GABBR2: variants seen among roughly 807,000 people sequenced by gnomAD.
GABBR2 encodes the protein G-protein coupled receptor 51.
A neutral mutation model predicts 105.6 loss-of-function variants in GABBR2; 23 were observed. The observed-to-expected ratio is 0.22, with a 90% CI of 0.16 to 0.31. The LOEUF (loss-of-function observed/expected upper bound fraction) is 0.31. Among genes scored for constraint, GABBR2 ranks in the 10% least tolerant of loss-of-function variants. The pLI is 1.00. For synonymous variants in GABBR2, 478 were observed against 499.7 expected (o/e 0.96, Z 0.58); for missense variants, 734 against 1,245.5 (o/e 0.59, Z 6.18).
chr9:98,616,597 T>C (rs759077724), intron 1 of GABBR2, among the ~76,000 whole-genome samples: 7 of 152,072 alleles, frequency 4.6e-5, no homozygotes, highest in Middle Eastern at 3.4e-3. Flanking sequence ...CTACTAAAAA[T>C]ACAAAAATTA....
chr9:98,367,238 C>T (rs576110840), intron 12 of GABBR2, among the ~76,000 whole-genome samples: 120 of 130,710 alleles, frequency 9.2e-4, no homozygotes, highest in African/African-American at 3.5e-3. Flanking sequence ...TAAAAAACTG[C>T]ATTGAAAAAA....
chr9:98,588,816 A>G (rs1014796625), intron 1 of GABBR2, among the ~76,000 whole-genome samples: 6 of 152,202 alleles, frequency 3.9e-5, no homozygotes, highest in Non-Finnish European at 2.9e-5. Flanking sequence ...TGCCATGCCC[A>G]GGTTGGCCTG....
rs569295362 is a variant in GABBR2, at chr9:98,500,442, C to T, written c.631-3928G>A. ...GGGAGCCCCAGGAGGGCAGGAGACA[C>T]AGATTGACAGGGAGTGAGGAGTGCT... is the stretch of plus-strand genomic sequence containing the variant. On this transcript the variant is annotated intron_variant, in intron 3 of 18. Coordinates refer to ENST00000259455, the MANE Select transcript of GABBR2 (RefSeq NM_005458.8). Among the ~76,000 whole-genome samples the T allele has an allele frequency of 9.3e-4, 142 of 152,302 alleles. 1 individual carries two copies. The highest frequency in any genetic ancestry group is 3.3e-3 in the African/African-American group (138 of 41,570).
chr9:98,682,873 A>C (rs557695225), intron 1 of GABBR2, among the ~76,000 whole-genome samples: 1 of 120,848 alleles, frequency 8.3e-6, no homozygotes, highest in African/African-American at 3.3e-5. Context: ...CAATTGACAG[A>C]GCTTTTGATT....
At chr9:98,422,078 A>T (rs952336003) in intron 7 of GABBR2, among the ~76,000 whole-genome samples, 1 of 152,202 alleles carries the variant, frequency 6.6e-6, no homozygotes, top group Non-Finnish European at 1.5e-5. Flanking sequence ...ACGTGGTCTT[A>T]ACACCCAGAT....
intron 14 of GABBR2, among the ~76,000 whole-genome samples, chr9:98,308,040 C>T (rs183992748): frequency 6.6e-6 from 1 of 152,292 alleles, no homozygotes; most frequent in African/African-American, 2.4e-5. Flanking sequence ...TTGAGACCAG[C>T]CTGGGCAAGG....
Position 98,289,456 on chromosome 9 carries a change from A to G in GABBR2, c.*1128T>C, listed in dbSNP as rs368702820. On this transcript the variant is annotated 3_prime_UTR_variant, in exon 19 of 19. Transcript: ENST00000259455. Reference sequence around the variant, plus strand: ...AGGAATGATCTTATGAATGAGAATCAATCTGCTGACTGATCACCCCAGTGA... The same window carrying G: ...AGGAATGATCTTATGAATGAGAATCGATCTGCTGACTGATCACCCCAGTGA... 31 of 152,638 alleles carry G rather than the reference A, an allele frequency of 2.0e-4. No homozygotes were observed. Among genetic ancestry groups the G allele is most frequent in the African/African-American group, 7.5e-4 (31 of 41,522 alleles). 9.5% of individuals were successfully genotyped at this position (152,638 alleles called of 1,614,324 possible).
chr9:98,337,175 G>A (rs1210554450), intron 13 of GABBR2, among the ~76,000 whole-genome samples: 1 of 151,922 alleles, frequency 6.6e-6, no homozygotes, highest in African/African-American at 2.4e-5. Flanking sequence ...CATGGTGGTG[G>A]GTGCCTGTAA....
In GABBR2 at chr9:98,388,654, T is replaced by G; in HGVS notation, c.1529+200A>C. 7.0e-6 allele frequency among the ~76,000 whole-genome samples: 1 copy of G among 142,994 alleles called. No homozygotes were observed. The highest frequency in any genetic ancestry group is 1.5e-5 in the Non-Finnish European group (1 of 65,546). The allele number at this position is 142,994 out of a possible 152,430, so 93.8% of individuals were successfully genotyped here. ...GTGTGTGTGTGTGTGTGTGTGTGTG[T>G]GTGTGTGCGTGCACGCACACACACG... On this transcript the variant is annotated intron_variant, in intron 10 of 18. Transcript: ENST00000259455. This position sits in a 1 kb window ranked among gnomAD's most constrained non-coding sequence, Gnocchi z 4.4.
chr9:98,526,264 C>T (rs190663427), intron 3 of GABBR2, among the ~76,000 whole-genome samples: 1 of 152,242 alleles, frequency 6.6e-6, no homozygotes, highest in East Asian at 1.9e-4. Flanking sequence ...AGATCTCTTG[C>T]CCCACCTCCA....
chr9:98,410,328 G>C (rs890233257), intron 7 of GABBR2, among the ~76,000 whole-genome samples: 1 of 151,916 alleles, frequency 6.6e-6, no homozygotes, highest in Non-Finnish European at 1.5e-5. Context: ...CCGGGGTGGG[G>C]GCTGATAACT....
chr9:98,586,334 C>T (rs1340509925), intron 1 of GABBR2, among the ~76,000 whole-genome samples: 2 of 138,846 alleles, frequency 1.4e-5, no homozygotes, highest in Admixed American at 7.8e-5. Context: ...GACTCTCAGT[C>T]TGTCACCTAG....
At chr9:98,305,034 A>C (rs1332157867) in intron 15 of GABBR2, among the ~76,000 whole-genome samples, 1 of 151,914 alleles carries the variant, frequency 6.6e-6, no homozygotes, top group Non-Finnish European at 1.5e-5. Flanking sequence ...TGGTCTCCCA[A>C]AGTGCTGGGA....
At chr9:98,701,388 T>C (rs1415511904) in intron 1 of GABBR2, among the ~76,000 whole-genome samples, 2 of 152,140 alleles carry the variant, frequency 1.3e-5, no homozygotes, top group Non-Finnish European at 2.9e-5. Flanking sequence ...GCCCTCATAT[T>C]GGGGAGCTCG....
intron 7 of GABBR2, among the ~76,000 whole-genome samples, chr9:98,417,190 G>T (rs10818903): frequency 0.42 from 63,299 of 152,082 alleles, 13,963 homozygotes; most frequent in East Asian, 0.85. Context: ...GAATGGACTG[G>T]GTTCCCCAGT....
In GABBR2 at chr9:98,388,661, G is replaced by A. The variant is rs576739976; in HGVS notation, c.1529+193C>T. ...TGTGTGTGTGTGTGTGTGTGTGTGT[G>A]CGTGCACGCACACACACGTACTCAC... On this transcript the variant is annotated intron_variant, in intron 10 of 18. Coordinates refer to ENST00000259455, the MANE Select transcript of GABBR2 (RefSeq NM_005458.8). This position sits in a 1 kb window ranked among gnomAD's most constrained non-coding sequence, Gnocchi z 4.4. 6.8e-5 allele frequency among the ~76,000 whole-genome samples: 10 copies of A among 147,022 alleles called. 1 individual carries two copies. Among genetic ancestry groups the A allele is most frequent in the African/African-American group, 2.3e-4 (9 of 38,362 alleles).
chr9:98,519,167 G>A (rs1029736501), intron 3 of GABBR2, among the ~76,000 whole-genome samples: 2 of 152,164 alleles, frequency 1.3e-5, no homozygotes, highest in African/African-American at 4.8e-5. Context: ...GGGCCTGAAG[G>A]CTCTGTCTGA....
Position 98,508,375 on chromosome 9 carries a change from A to G in GABBR2, c.631-11861T>C, listed in dbSNP as rs1053703193. ...GGGTGATTTCTGCATTTCCAACTGA[A>G]GTACCGGGTTCATCTCACTGGGGAG... On this transcript the variant is annotated intron_variant, in intron 3 of 18. Transcript: ENST00000259455. 5.3e-5 allele frequency among the ~76,000 whole-genome samples: 8 copies of G among 152,346 alleles called. No individual in the cohort carries two copies. In the South Asian group the frequency reaches 1.7e-3, roughly 32 times the overall value.
intron 2 of GABBR2, among the ~76,000 whole-genome samples, chr9:98,553,382 C>T (rs1469112057): frequency 1.3e-5 from 2 of 151,766 alleles, no homozygotes; most frequent in Non-Finnish European, 2.9e-5. Flanking sequence ...TTGCCTGAGG[C>T]CAGGAGTTCA....
Sources: gnomAD v4.1 joint callset for allele counts (sites outside exome capture counted in the v4.1 genomes callset) on GRCh38, gnomAD v4.1.1 for gene constraint, Gnocchi (gnomAD v3.1) non-coding constraint, MANE v1.5 for transcripts, NCBI Gene and HGNC (gene_info 2026-07-23, HGNC 2026-07-21) for gene names.